Variants in ZNF385D observed in about 807,000 individuals in gnomAD.
The protein encoded by ZNF385D is zinc finger protein 659.
ZNF385D carries 15 observed loss-of-function variants against 35.8 expected under a neutral mutation model. The observed-to-expected ratio is 0.42, with a 90% CI of 0.28 to 0.64. The LOEUF is 0.64. Ranked by LOEUF, ZNF385D falls within the 30% of genes least tolerant of loss-of-function variation. The pLI is 0.23. For missense variants in ZNF385D, 474 were observed against 494.6 expected, an observed-to-expected ratio of 0.96 and a Z score of 0.39; for synonymous variants, 212 against 186.8, an observed-to-expected ratio of 1.13 and a Z score of -1.10.
chr3:21,824,803 G>A (rs1181697290), intron 3 of ZNF385D, among the ~76,000 whole-genome samples: 1 of 152,050 alleles, frequency 6.6e-6, no homozygotes, highest in East Asian at 1.9e-4. Context: ...AGCATTTAAG[G>A]TAAACTACAA....
intron 2 of ZNF385D, among the ~76,000 whole-genome samples, chr3:22,183,406 A>T (rs1158033576): frequency 6.6e-6 from 1 of 152,052 alleles, no homozygotes; most frequent in Non-Finnish European, 1.5e-5. Flanking sequence ...GCTGGAGTGC[A>T]GTGTGCAGTG....
intron 3 of ZNF385D, among the ~76,000 whole-genome samples, chr3:21,829,670 G>C (rs1412609870): frequency 6.6e-6 from 1 of 152,064 alleles, no homozygotes; most frequent in Admixed American, 6.5e-5. Flanking sequence ...GTTGGGAGGA[G>C]CAGCTGCAGT....
intron 3 of ZNF385D, among the ~76,000 whole-genome samples, chr3:21,780,340 G>C (rs2071441207): frequency 6.6e-6 from 1 of 151,850 alleles, no homozygotes; most frequent in East Asian, 1.9e-4. Context: ...TACTATCATT[G>C]CAACTACCAC....
At chr3:22,120,021 G>A (rs2125662646) in intron 3 of ZNF385D, among the ~76,000 whole-genome samples, 1 of 148,132 alleles carries the variant, frequency 6.8e-6, no homozygotes, top group East Asian at 2.0e-4. Flanking sequence ...GTAGAAACAG[G>A]ATCTCACTAT....
rs374612238 is a variant in ZNF385D, at chr3:22,008,648, G to C, written c.325+160169C>G. ...TGGGATTACAGGCGTGAGCCACCGC[G>C]CCCAGCCCGGGCCATGCTTTTCTAA... On this transcript the variant is annotated intron_variant, in intron 3 of 5. Transcript: ENST00000494108. Among the ~76,000 whole-genome samples, 23 of 152,200 alleles carry C rather than the reference G, an allele frequency of 1.5e-4. No homozygotes were observed. In the South Asian group the frequency reaches 4.8e-3, roughly 32 times the overall value.
At chr3:22,235,018 A>G (rs1407434991) in intron 2 of ZNF385D, among the ~76,000 whole-genome samples, 3 of 152,202 alleles carry the variant, frequency 2.0e-5, no homozygotes, top group East Asian at 3.9e-4. Flanking sequence ...TCAACCACAT[A>G]AAGAGAAGAT....
chr3:22,153,814 G>C (rs1175499625), intron 3 of ZNF385D, among the ~76,000 whole-genome samples: 1 of 151,990 alleles, frequency 6.6e-6, no homozygotes, highest in Non-Finnish European at 1.5e-5. Context: ...CAAATTGTGT[G>C]GCTGGTCTCA....
rs375754096 is a variant in ZNF385D at position 22,041,610 on chromosome 3, G to C, written c.325+127207C>G. Among the ~76,000 whole-genome samples the C allele has an allele frequency of 9.8e-4, 149 of 152,188 alleles. 1 individual carries two copies. The highest frequency in any genetic ancestry group is 3.3e-3 in the African/African-American group (139 of 41,530). ...TCAGTATAAACCAACTGGGTGATCT[G>C]AACACTAAAATAGGCTCAGACTGAA... is the stretch of plus-strand genomic sequence containing the variant. On this transcript the variant is annotated intron_variant, in intron 3 of 5. Transcript: ENST00000494108.
intron 3 of ZNF385D, among the ~76,000 whole-genome samples, chr3:21,778,168 C>A (rs1414782011): frequency 3.3e-5 from 5 of 151,916 alleles, no homozygotes; most frequent in Non-Finnish European, 5.9e-5. Flanking sequence ...GAAAGAAAGC[C>A]AATCAGTGCC....
chr3:21,955,668 C>T (rs1430641662), intron 3 of ZNF385D, among the ~76,000 whole-genome samples: 1 of 152,146 alleles, frequency 6.6e-6, no homozygotes, highest in Non-Finnish European at 1.5e-5. Context: ...TGCATAGATT[C>T]AGCCTGACCA....
intron 2 of ZNF385D, among the ~76,000 whole-genome samples, chr3:21,607,614 C>T (rs191018773): frequency 1.3e-5 from 2 of 152,134 alleles, no homozygotes; most frequent in African/African-American, 4.8e-5. Context: ...TTGAAGAGAC[C>T]TCACCAGTGT....
chr3:21,961,882 T>G (rs1359899792), intron 3 of ZNF385D, among the ~76,000 whole-genome samples: 1 of 152,030 alleles, frequency 6.6e-6, no homozygotes, highest in African/African-American at 2.4e-5. Flanking sequence ...ATAGAGCTTA[T>G]GAGAAATTGA....
rs77318024 is a variant in ZNF385D, at chr3:22,289,719, A to G, written c.106+82731T>C. The stretch of plus-strand genomic sequence containing the variant: ...CCTAGTACGTCTCATTTCCTGGGCT[A>G]GAAGGTTTAGGATATGGTGTAGGAG... On this transcript the variant is annotated intron_variant, in intron 2 of 5. Transcript: ENST00000494108. Among the ~76,000 whole-genome samples the G allele has an allele frequency of 3.4e-3, 515 of 152,244 alleles. 6 individuals are homozygous for G. The highest frequency in any genetic ancestry group is 0.012 in the African/African-American group (487 of 41,556).
At chr3:21,799,718 T>C (rs1289007815) in intron 3 of ZNF385D, among the ~76,000 whole-genome samples, 1 of 152,176 alleles carries the variant, frequency 6.6e-6, no homozygotes, top group Non-Finnish European at 1.5e-5. Context: ...TTTCTGTAGG[T>C]TGTATTTCAC....
chr3:21,556,571 C>T (rs570220593), intron 3 of ZNF385D, among the ~76,000 whole-genome samples: 2 of 152,192 alleles, frequency 1.3e-5, no homozygotes, highest in South Asian at 4.1e-4. Flanking sequence ...TGTTCTCTTC[C>T]ATTGATCTAT....
At chr3:21,683,356 C>G (rs972452316) in intron 1 of ZNF385D, among the ~76,000 whole-genome samples, 2 of 149,738 alleles carry the variant, frequency 1.3e-5, no homozygotes, top group Non-Finnish European at 3.0e-5. Flanking sequence ...AGAAGAGATT[C>G]ATTTGTAATC....
intron 3 of ZNF385D, among the ~76,000 whole-genome samples, chr3:22,110,126 A>C (rs1229801516): frequency 6.6e-6 from 1 of 152,118 alleles, no homozygotes; most frequent in Non-Finnish European, 1.5e-5. Flanking sequence ...ATCATTAAAA[A>C]GTCAGGAAAC....
At chr3:21,488,197 C>A (rs1358330341) in intron 4 of ZNF385D, among the ~76,000 whole-genome samples, 1 of 151,804 alleles carries the variant, frequency 6.6e-6, no homozygotes, top group East Asian at 1.9e-4. Flanking sequence ...CTTTTCCCTG[C>A]CATGTACTTC....
At chr3:22,309,931 A>G (rs924020173) in intron 2 of ZNF385D, among the ~76,000 whole-genome samples, 6 of 152,048 alleles carry the variant, frequency 3.9e-5, no homozygotes, top group Non-Finnish European at 7.4e-5. Context: ...TATAATAAAT[A>G]GGAGAAAACT....
Sources: allele counts gnomAD v4.1 joint callset (sites outside exome capture counted in the v4.1 genomes callset), GRCh38; gene constraint gnomAD v4.1.1; transcripts MANE v1.5; gene names NCBI Gene and HGNC (gene_info 2026-07-23, HGNC 2026-07-21).